The following DNAH14 variants were observed in gnomAD, a reference collection of about 807,000 sequenced individuals.
DNAH14 encodes the protein dynein axonemal heavy chain 14, also known as axonemal beta dynein heavy chain 14.
Under a neutral mutation model 520.9 loss-of-function variants are expected in DNAH14, and 478 were observed. The observed-to-expected ratio is 0.92, with a 90% CI of 0.85 to 0.99. The LOEUF is 0.99. Ranked by LOEUF, DNAH14 falls within the 50% of genes least tolerant of loss-of-function variation. The pLI is 0.00. For missense variants in DNAH14, 4,831 were observed against 5,234.5 expected (o/e 0.92, Z 2.38); for synonymous variants, 1,581 against 1,757.2 (o/e 0.90, Z 2.51).
At chr1:224,960,081 G>A in intron 3 of DNAH14, 72 bp from the exon 4 acceptor site, 1 of 1,380,822 alleles carries the variant, frequency 7.2e-7, no homozygotes, top group South Asian at 1.5e-5. Context: ...TGTATTGCTG[G>A]GTATGTGGAA....
chr1:225,154,776 C>A (rs914481259), intron 34 of DNAH14, among the ~76,000 whole-genome samples: 3 of 151,572 alleles, frequency 2.0e-5, no homozygotes, highest in African/African-American at 7.3e-5. Context: ...TACGGAAGAT[C>A]TTTAAAACTA....
chr1:225,275,003 T>C (rs776753130), intron 52 of DNAH14, among the ~76,000 whole-genome samples: 6 of 152,228 alleles, frequency 3.9e-5, no homozygotes, highest in Admixed American at 2.6e-4. Context: ...CCCTATGATA[T>C]AGGTCCTGTT....
chr1:225,094,345 T>G (rs191925952), intron 21 of DNAH14, among the ~76,000 whole-genome samples: 1 of 152,210 alleles, frequency 6.6e-6, no homozygotes, highest in East Asian at 1.9e-4. Context: ...CCATCTGATC[T>G]TTGACAAAGT....
intron 36 of DNAH14, among the ~76,000 whole-genome samples, chr1:225,168,721 G>A (rs966643605): frequency 1.1e-4 from 17 of 152,166 alleles, no homozygotes; most frequent in Non-Finnish European, 2.2e-4. Context: ...TGCACCTCTG[G>A]GGGCAGGGCA....
chr1:225,052,113 T>C (rs553241259), intron 17 of DNAH14, among the ~76,000 whole-genome samples: 1 of 152,342 alleles, frequency 6.6e-6, no homozygotes, highest in East Asian at 1.9e-4. Flanking sequence ...ATTTATTTGT[T>C]TGTTTGTTGA....
intron 36 of DNAH14, among the ~76,000 whole-genome samples, chr1:225,174,110 GTGGGGT>G (rs745777157): frequency 1.1e-3 from 170 of 152,176 alleles, no homozygotes; most frequent in African/African-American, 3.9e-3. Context: ...AGGGCCTGTT[GTGGGGT>G]TGGGGGAGAG....
Position 224,972,913 on chromosome 1 carries a change from G to A in DNAH14, c.768-1178G>A, listed in dbSNP as rs925276747. Among the ~76,000 whole-genome samples the A allele has an allele frequency of 4.6e-5, 7 of 152,088 alleles. 1 individual carries two copies. Among genetic ancestry groups the A allele is most frequent in the Admixed American group, 4.6e-4 (7 of 15,272 alleles). ...GGGTGATTAGACCATCAGCATCATC[G>A]TTTTACCTCATGAAACTTTTCTGGT... is the stretch of plus-strand genomic sequence containing the variant. On this transcript the variant is annotated intron_variant, in intron 7 of 85. Coordinates refer to ENST00000682510, the MANE Select transcript of DNAH14 (RefSeq NM_001367479.1).
intron 54 of DNAH14, among the ~76,000 whole-genome samples, chr1:225,283,428 C>A: frequency 1.5e-5 from 2 of 133,668 alleles, no homozygotes; most frequent in Non-Finnish European, 1.6e-5. Flanking sequence ...ATTAAGTGTT[C>A]TGAGACCAAA....
chr1:224,937,233 T>C (rs1480490192), intron 1 of DNAH14, among the ~76,000 whole-genome samples: 1 of 151,822 alleles, frequency 6.6e-6, no homozygotes, highest in Non-Finnish European at 1.5e-5. Context: ...GAAAGAAAGG[T>C]CATCCCAATT....
intron 10 of DNAH14, among the ~76,000 whole-genome samples, chr1:225,018,963 A>AAC (rs1329905526): frequency 6.6e-6 from 1 of 152,098 alleles, no homozygotes; most frequent in Non-Finnish European, 1.5e-5. Flanking sequence ...TGAGTACATA[A>AAC]ACACACTTAA....
chr1:225,079,672 C>CTTTTTTT (rs58242386), intron 18 of DNAH14, 124 bp downstream of exon 18: 24 of 326,644 alleles, frequency 7.3e-5, no homozygotes, highest in South Asian at 9.6e-5. Context: ...TACAAGTATT[C>CTTTTTTT]TTTTTTTTTT....
Position 225,308,254 on chromosome 1 carries a change from T to G in DNAH14, c.9115-31T>G, listed in dbSNP as rs538084590. 17 of 1,515,056 alleles carry G rather than the reference T, an allele frequency of 1.1e-5. No individual in the cohort carries two copies. In the East Asian group the frequency reaches 4.0e-4, roughly 36 times the overall value. 93.9% of individuals were successfully genotyped at this position (1,515,056 alleles called of 1,614,324 possible). A position where few individuals can be genotyped will look rare whatever the true frequency, so the allele number is the denominator to read the frequency against. ...GAAAAGAGATCATGTCTCTTAAAAT[T>G]CATTCTAAGAACAATTATGTGCTTC... On this transcript the variant is annotated intron_variant, in intron 59 of 85. Coordinates refer to ENST00000682510, the MANE Select transcript of DNAH14 (RefSeq NM_001367479.1).
Position 225,042,818 on chromosome 1 carries a change from A to G in DNAH14, c.1489-17A>G, listed in dbSNP as rs2067599814. The G allele has an allele frequency of 6.5e-7, 1 of 1,540,778 alleles. No individual in the cohort carries two copies. Among genetic ancestry groups the G allele is most frequent in the South Asian group, 1.2e-5 (1 of 81,584 alleles). On this transcript the variant is annotated splice_polypyrimidine_tract_variant and intron_variant, in intron 12 of 85. Coordinates refer to ENST00000682510, the MANE Select transcript of DNAH14 (RefSeq NM_001367479.1). Reference sequence around the variant, plus strand: ...TATATGTTGTCACTGGCACCCTCACATTATCCGTTAAATTAGATTTTGAAT... The same window carrying G: ...TATATGTTGTCACTGGCACCCTCACGTTATCCGTTAAATTAGATTTTGAAT...
At chr1:225,052,994 C>T (rs1032283541) in intron 17 of DNAH14, among the ~76,000 whole-genome samples, 1 of 152,118 alleles carries the variant, frequency 6.6e-6, no homozygotes, top group Non-Finnish European at 1.5e-5. Flanking sequence ...TATCCTCATT[C>T]CAGGCAGCAG....
Position 225,277,504 on chromosome 1 carries a change from T to C in DNAH14, c.8271+2T>C, listed in dbSNP as rs941871160. On this transcript the variant is annotated splice_donor_variant, in intron 54 of 85. Coordinates refer to ENST00000682510, the MANE Select transcript of DNAH14 (RefSeq NM_001367479.1). LOFTEE classifies it high-confidence loss of function. The stretch of plus-strand genomic sequence containing the variant: ...CAACCAGGGAGTCACATGTTACTGG[T>C]AGGAATTTAAATTTTTCAAGTGGTT... 8.5e-6 allele frequency: 4 copies of C among 470,952 alleles called. No individual in the cohort carries two copies. Among genetic ancestry groups the C allele is most frequent in the Middle Eastern group, 3.2e-4 (1 of 3,078 alleles). 29.2% of individuals were successfully genotyped at this position (470,952 alleles called of 1,614,324 possible).
At chr1:225,012,939 C>T (rs1382837553) in intron 10 of DNAH14, among the ~76,000 whole-genome samples, 1 of 152,136 alleles carries the variant, frequency 6.6e-6, no homozygotes, top group African/African-American at 2.4e-5. Flanking sequence ...TTTGTTATTA[C>T]CCACCTTCTG....
chr1:225,090,929 C>G (rs1013907798), intron 21 of DNAH14, among the ~76,000 whole-genome samples: 1 of 151,938 alleles, frequency 6.6e-6, no homozygotes, highest in Non-Finnish European at 1.5e-5. Flanking sequence ...TAAGTGAATA[C>G]AAATATAAAC....
chr1:225,357,239 G>A (rs1484844628), intron 73 of DNAH14, among the ~76,000 whole-genome samples: 1 of 152,034 alleles, frequency 6.6e-6, no homozygotes, highest in Non-Finnish European at 1.5e-5. Context: ...ATGATTTGTG[G>A]TTGCTTAGAA....
chr1:225,115,982 C>T (rs1359717539), intron 23 of DNAH14, among the ~76,000 whole-genome samples: 1 of 152,066 alleles, frequency 6.6e-6, no homozygotes, highest in African/African-American at 2.4e-5. Flanking sequence ...TTAACCCAGC[C>T]TGTAGGCAAT....
Sources: gnomAD v4.1 joint callset for allele counts (sites outside exome capture counted in the v4.1 genomes callset) on GRCh38, gnomAD v4.1.1 for gene constraint, MANE v1.5 for transcripts, NCBI Gene and HGNC (gene_info 2026-07-23, HGNC 2026-07-21) for gene names.